The following HMGB3 variants were observed in gnomAD, a reference collection of about 807,000 sequenced individuals.
HMGB3 encodes the protein high mobility group protein B3.
In HMGB3, 1 loss-of-function variant was observed where a neutral mutation model predicts 12.9. The observed-to-expected ratio is 0.08, with a 90% CI of 0.03 to 0.37. The LOEUF (loss-of-function observed/expected upper bound fraction) is 0.37. Ranked by LOEUF, HMGB3 falls within the 10% of genes least tolerant of loss-of-function variation. The pLI, the probability that HMGB3 is intolerant of heterozygous loss-of-function variation, is 0.99. For synonymous variants in HMGB3, 61 were observed against 53.9 expected (o/e 1.13, Z -0.57); for missense variants, 74 against 153.3 (o/e 0.48, Z 2.73).
At chrX:150,984,575 C>T (rs1603339520) in intron 1 of HMGB3, 8 of 747,232 alleles carry the variant, frequency 1.1e-5, no homozygotes, top group Non-Finnish European at 1.3e-5. Context: ...ATGACAGCGG[C>T]GGATTTCAGG....
At chrX:150,981,195 C>G (rs1557425078), upstream of HMGB3, among the ~76,000 whole-genome samples, 1 of 109,416 alleles carries the variant, frequency 9.1e-6, no homozygotes, top group African/African-American at 3.3e-5. Context: ...CCTGGCCTGC[C>G]ATGAACTATC....
Position 150,986,033 on chromosome X carries a change from G to A in HMGB3, c.151-18G>A, listed in dbSNP as rs782421304. On this transcript the variant is annotated intron_variant, in intron 2 of 4. Transcript: ENST00000325307. ...TGTTCACTGCATCGAGGGATTTAACGAGTCCTGTTCTTTGCAGACGATGTC... is the reference window on the plus strand; with the variant it reads ...TGTTCACTGCATCGAGGGATTTAACAAGTCCTGTTCTTTGCAGACGATGTC... 10 of 1,199,018 alleles carry A rather than the reference G, an allele frequency of 8.3e-6. No homozygotes were observed. The highest frequency in any genetic ancestry group is 4.5e-5 in the Admixed American group (2 of 44,308).
intron 1 of HMGB3, among the ~76,000 whole-genome samples, chrX:150,984,299 G>GGCCCCCGA (rs1199071152): frequency 1.1e-5 from 1 of 92,211 alleles, no homozygotes; most frequent in South Asian, 5.3e-4. Context: ...GTCCGGCCCG[G>GGCCCCCGA]GCCCCCGAGC....
rs1413183012 is a variant in HMGB3, at chrX:150,989,023, G to A, written c.*1109G>A. The A allele has an allele frequency of 3.6e-5, 4 of 111,631 alleles. No individual in the cohort carries two copies. Among genetic ancestry groups the A allele is most frequent in the African/African-American group, 1.3e-4 (4 of 30,678 alleles). The allele number at this position is 111,631 out of a possible 1,213,427, so 9.2% of individuals were successfully genotyped here. ...AGGCAAGGTTCAGCAGCCTTCCAAG[G>A]TATAGGAAGGTGGGTGATTAGGACT... is the stretch of plus-strand genomic sequence containing the variant. On this transcript the variant is annotated 3_prime_UTR_variant, in exon 5 of 5. Transcript: ENST00000325307.
upstream of HMGB3, among the ~76,000 whole-genome samples, chrX:150,981,316 GTA>G (rs1230527141): frequency 5.6e-5 from 6 of 106,522 alleles, no homozygotes; most frequent in African/African-American, 2.1e-4. Context: ...ATGAGTGGAG[GTA>G]TGCAAGCAGA....
chrX:150,987,291 A>G lies in HMGB3; in HGVS notation c.454A>G (p.Lys152Glu). The G allele has an allele frequency of 8.3e-7, 1 of 1,205,350 alleles. No homozygotes were observed. Among genetic ancestry groups the G allele is most frequent in the Non-Finnish European group, 1.1e-6 (1 of 891,820 alleles). ...CACTAAGGCGGCAAAGCTGAAGGAG[A>G]AGTATGAGAAGGTAAGGTGGGGCTG... ...YITKAAKLKE[K>E]YEKDVADYKS... The change falls in exon 4 of 5, where the codon AAG becomes GAG. Residue 152 changes from lysine to glutamate, a missense_variant. Physicochemically the swap from Lys to Glu is moderately conservative, Grantham distance 56. This residue lies in a region of HMGB3 where 45 missense variants were observed against 123.8 expected (regional missense o/e 0.36). Coordinates refer to ENST00000325307, the MANE Select transcript of HMGB3 (RefSeq NM_005342.4).
At position 150,989,397 on chromosome X, in the gene HMGB3, A is replaced by G. The variant is rs2048090155; in HGVS notation, c.*1483A>G. 1.8e-5 allele frequency: 2 copies of G among 111,517 alleles called. No homozygotes were observed. Among genetic ancestry groups the G allele is most frequent in the Non-Finnish European group, 3.8e-5 (2 of 53,103 alleles). 9.2% of individuals were successfully genotyped at this position (111,517 alleles called of 1,213,427 possible). A position where few individuals can be genotyped will look rare whatever the true frequency, so the allele number is the denominator to read the frequency against. On this transcript the variant is annotated 3_prime_UTR_variant, in exon 5 of 5. Coordinates refer to ENST00000325307, the MANE Select transcript of HMGB3 (RefSeq NM_005342.4). ...GGCCACCTGAGCTATAGGGCAGGCT[A>G]ATGGAATCAACCATTTCTGAGCACT... is the stretch of plus-strand genomic sequence containing the variant.
chrX:150,984,941 G>C (rs1188678000), intron 1 of HMGB3, among the ~76,000 whole-genome samples: 1 of 112,156 alleles, frequency 8.9e-6, no homozygotes, highest in East Asian at 2.8e-4. Context: ...AGATGAGCAC[G>C]ACTAGCCCTT....
At chrX:150,983,498 T>TGCC (rs2048011482) in intron 1 of HMGB3, 122 bp downstream of exon 1, 13 of 725,813 alleles carry the variant, frequency 1.8e-5, no homozygotes, top group Admixed American at 9.1e-5. Context: ...GAGCGCGCCC[T>TGCC]GCCGCCGCCT....
chrX:150,987,322 C>T lies in HMGB3; in HGVS notation c.465+20C>T. The T allele has an allele frequency of 8.5e-7, 1 of 1,181,841 alleles. No homozygotes were observed. Among genetic ancestry groups the T allele is most frequent in the Non-Finnish European group, 1.1e-6 (1 of 875,311 alleles). On this transcript the variant is annotated intron_variant, in intron 4 of 4. Coordinates refer to ENST00000325307, the MANE Select transcript of HMGB3 (RefSeq NM_005342.4). ...GAGAAGGTAAGGTGGGGCTGGAAGC[C>T]TGGACTGGTGAACAGGCAGTGGTTC...
chrX:150,986,807 C>T (rs1557425249), intron 3 of HMGB3, among the ~76,000 whole-genome samples: 1 of 110,627 alleles, frequency 9.0e-6, no homozygotes, highest in African/African-American at 3.3e-5. Context: ...CCATGCCCGG[C>T]TAATTTTTTT....
At chrX:150,984,207 G>T (rs1384653383) in intron 1 of HMGB3, among the ~76,000 whole-genome samples, 1 of 97,229 alleles carries the variant, frequency 1.0e-5, no homozygotes, top group East Asian at 3.4e-4. Context: ...CGCCGCTGCG[G>T]GCCCTGGAGC....
At chrX:150,983,022 G>C (rs1281702478), upstream of HMGB3, among the ~76,000 whole-genome samples, 1 of 113,049 alleles carries the variant, frequency 8.8e-6, no homozygotes, top group East Asian at 2.8e-4. Context: ...AGGCCTCCGG[G>C]AATCGCAGGG....
chrX:150,984,560 C>T (rs1557425186), intron 1 of HMGB3: 2 of 740,122 alleles, frequency 2.7e-6, no homozygotes, highest in African/African-American at 2.3e-5. Context: ...GCGCGTCCCC[C>T]GGGGATGACA....
In HMGB3 at chrX:150,986,048, C is replaced by T; in HGVS notation, c.151-3C>T. Reference sequence around the variant, plus strand: ...GGGATTTAACGAGTCCTGTTCTTTGCAGACGATGTCCGGGAAAGAGAAATC... The same window carrying T: ...GGGATTTAACGAGTCCTGTTCTTTGTAGACGATGTCCGGGAAAGAGAAATC... On this transcript the variant is annotated splice_region_variant and splice_polypyrimidine_tract_variant and intron_variant, in intron 2 of 4. Coordinates refer to ENST00000325307, the MANE Select transcript of HMGB3 (RefSeq NM_005342.4). 2.5e-6 allele frequency: 3 copies of T among 1,205,322 alleles called. No individual in the cohort carries two copies. The highest frequency in any genetic ancestry group is 2.2e-6 in the Non-Finnish European group (2 of 892,930).
intron 1 of HMGB3, among the ~76,000 whole-genome samples, chrX:150,984,853 C>G (rs1300100573): frequency 8.9e-6 from 1 of 111,862 alleles, no homozygotes; most frequent in Non-Finnish European, 1.9e-5. Context: ...GGGACAGGGA[C>G]GATGACATGC....
At chrX:150,984,684 G>C in intron 1 of HMGB3, 2 of 397,720 alleles carry the variant, frequency 5.0e-6, no homozygotes, top group Non-Finnish European at 6.4e-6. Context: ...GCCTGCTGCC[G>C]GCCGGGACTC....
chrX:150,983,725 A>C (rs2048014409), intron 1 of HMGB3: 2 of 260,200 alleles, frequency 7.7e-6, no homozygotes, highest in Non-Finnish European at 5.3e-6. Flanking sequence ...ATGTTTGGGC[A>C]GCTGCGGCTG....
At position 150,986,077 on chromosome X, in the gene HMGB3, A is replaced by G; in HGVS notation, c.177A>G (p.Lys59=). The G allele has an allele frequency of 8.3e-7, 1 of 1,207,401 alleles. No homozygotes were observed. Among genetic ancestry groups the G allele is most frequent in the Non-Finnish European group, 1.1e-6 (1 of 893,610 alleles). ...WKTMSGKEKS[K]FDEMAKADKV... ...CGATGTCCGGGAAAGAGAAATCTAA[A>G]TTTGATGAAATGGCAAAGGCAGATA... Residue 59 remains lysine (K), a synonymous_variant, in exon 3 of 5, where the codon AAA becomes AAG. Coordinates refer to ENST00000325307, the MANE Select transcript of HMGB3 (RefSeq NM_005342.4).
Sources: allele counts gnomAD v4.1 joint callset (sites outside exome capture counted in the v4.1 genomes callset), GRCh38; gene constraint gnomAD v4.1.1; regional missense constraint gnomAD v4.1.1; transcripts MANE v1.5; gene names NCBI Gene and HGNC (gene_info 2026-07-23, HGNC 2026-07-21).